C10orf90: variants seen among roughly 807,000 people sequenced by gnomAD.
C10orf90 encodes chromosome 10 open reading frame 90, also known as (E2-independent) E3 ubiquitin-conjugating enzyme FATS.
In C10orf90, 56 loss-of-function variants were observed where a neutral mutation model predicts 62.5. The ratio of observed to expected loss-of-function variants is 0.90; its 90% CI spans 0.72 to 1.12. The LOEUF (loss-of-function observed/expected upper bound fraction) is 1.12, where lower values mean the gene tolerates loss of function less well. C10orf90 is among the 50% of genes most tolerant of loss of function. The pLI, the probability that C10orf90 is intolerant of heterozygous loss-of-function variation, is 0.00. For synonymous variants in C10orf90, 386 were observed against 340.4 expected, an observed-to-expected ratio of 1.13 and a Z score of -1.47; for missense variants, 970 against 880.4, an observed-to-expected ratio of 1.10 and a Z score of -1.29.
chr10:126,476,668 A>T (rs1860888289), intron 4 of C10orf90, among the ~76,000 whole-genome samples: 1 of 152,194 alleles, frequency 6.6e-6, no homozygotes, highest in African/African-American at 2.4e-5. Flanking sequence ...TCCGCTTTCT[A>T]ATCACTCCCA....
chr10:126,433,474 G>A (rs1302523724), intron 7 of C10orf90, among the ~76,000 whole-genome samples: 1 of 152,086 alleles, frequency 6.6e-6, no homozygotes, highest in Non-Finnish European at 1.5e-5. Flanking sequence ...GTAGGGGTGG[G>A]TGAAACGGCA....
intron 6 of C10orf90, among the ~76,000 whole-genome samples, chr10:126,459,617 C>A (rs892678788): frequency 1.3e-5 from 2 of 152,362 alleles, no homozygotes; most frequent in East Asian, 3.9e-4. Flanking sequence ...TGCTGAGTCA[C>A]TTGCTTCTGT....
intron 4 of C10orf90, among the ~76,000 whole-genome samples, chr10:126,502,389 G>T (rs535938675): frequency 6.6e-6 from 1 of 152,302 alleles, no homozygotes; most frequent in South Asian, 2.1e-4. Context: ...CTTTTTCTGG[G>T]GGATGTTGGC....
chr10:126,633,629 T>C (rs534878445), intron 2 of C10orf90, among the ~76,000 whole-genome samples: 5 of 152,306 alleles, frequency 3.3e-5, no homozygotes, highest in Admixed American at 1.3e-4. Context: ...AGCGGGGAGA[T>C]GTCCGACTTC....
At chr10:126,622,456 G>C (rs1845664490) in intron 2 of C10orf90, among the ~76,000 whole-genome samples, 1 of 152,146 alleles carries the variant, frequency 6.6e-6, no homozygotes, top group Non-Finnish European at 1.5e-5. Flanking sequence ...ACAACCTCCA[G>C]GGTTTCATTG....
chr10:126,610,183 C>T (rs936079972), intron 2 of C10orf90, among the ~76,000 whole-genome samples: 4 of 152,200 alleles, frequency 2.6e-5, no homozygotes, highest in Non-Finnish European at 4.4e-5. Context: ...TGGCCTCTGG[C>T]TTCTAGGGGG....
chr10:126,534,246 A>G (rs141504147), intron 2 of C10orf90, among the ~76,000 whole-genome samples: 9 of 152,220 alleles, frequency 5.9e-5, no homozygotes, highest in African/African-American at 1.4e-4. Context: ...TGCCAAACTC[A>G]GGTTTCTTGG....
At chr10:126,470,577 AAAACAAAC>A (rs10637715) in intron 4 of C10orf90, among the ~76,000 whole-genome samples, 9 of 150,030 alleles carry the variant, frequency 6.0e-5, no homozygotes, top group Non-Finnish European at 1.0e-4. Flanking sequence ...TAAAAACTAA[AAAACAAAC>A]AAACAAACAA....
chr10:126,543,598 C>T (rs1440553113), intron 2 of C10orf90, among the ~76,000 whole-genome samples: 1 of 152,170 alleles, frequency 6.6e-6, no homozygotes, highest in Non-Finnish European at 1.5e-5. Context: ...CAGGTGACCC[C>T]ATTCCCTGAG....
chr10:126,633,302 G>A (rs955164780), intron 2 of C10orf90, among the ~76,000 whole-genome samples: 22 of 152,262 alleles, frequency 1.4e-4, no homozygotes, highest in African/African-American at 5.3e-4. Context: ...ATGTCTTGGA[G>A]AATATCTCAC....
chr10:126,628,281 C>T (rs946873208), intron 2 of C10orf90, among the ~76,000 whole-genome samples: 14 of 152,146 alleles, frequency 9.2e-5, no homozygotes, highest in African/African-American at 3.4e-4. Context: ...ATTTAAAATG[C>T]CAAGGCCTAT....
rs951828431 is a variant in C10orf90, at chr10:126,461,624, A to G, written c.1826-39T>C. 7.6e-6 allele frequency: 12 copies of G among 1,588,018 alleles called. No homozygotes were observed. The African/African-American group carries it at 1.1e-4, about 14-fold the overall frequency. ...TTTAGAATCCCATTTAGAGGGCACC[A>G]AGTGATTTTCACGTGGCTCCTCAAT... On this transcript the variant is annotated intron_variant, in intron 5 of 9. Transcript: ENST00000488181.
chr10:126,570,568 C>T (rs1181670213), intron 2 of C10orf90, among the ~76,000 whole-genome samples: 4 of 152,172 alleles, frequency 2.6e-5, no homozygotes, highest in Non-Finnish European at 5.9e-5. Context: ...TGGAGTAATG[C>T]ACTGAGATTC....
intron 2 of C10orf90, among the ~76,000 whole-genome samples, chr10:126,585,288 A>AAAGC (rs763822127): frequency 1.3e-5 from 2 of 150,534 alleles, no homozygotes; most frequent in African/African-American, 4.9e-5. Context: ...AGAAACAAAG[A>AAAGC]AAGCAAGCAA....
chr10:126,659,021 C>T lies in C10orf90; in HGVS notation c.240+11220G>A, dbSNP rs370295857. Among the ~76,000 whole-genome samples the T allele has an allele frequency of 6.0e-4, 91 of 152,322 alleles. 1 individual carries two copies. In the South Asian group the frequency reaches 0.018, roughly 31 times the overall value. On this transcript the variant is annotated intron_variant, in intron 1 of 9. Coordinates refer to ENST00000488181, the MANE Select transcript of C10orf90 (RefSeq NM_001350921.2). Reference sequence around the variant, plus strand: ...CCACAGAGTCTTCATGGTTTCTTTTCCTGTATATCTGACAGCCAGCACAGT... The same window carrying T: ...CCACAGAGTCTTCATGGTTTCTTTTTCTGTATATCTGACAGCCAGCACAGT...
chr10:126,669,141 T>C (rs2133882798), intron 1 of C10orf90, among the ~76,000 whole-genome samples: 1 of 152,384 alleles, frequency 6.6e-6, no homozygotes, highest in East Asian at 1.9e-4. Flanking sequence ...CTCTGATTTC[T>C]TTCAATTATA....
chr10:126,667,432 A>G (rs1209813045), intron 1 of C10orf90, among the ~76,000 whole-genome samples: 1 of 152,176 alleles, frequency 6.6e-6, no homozygotes. Flanking sequence ...GAAAAATATC[A>G]GGAGGCATGG....
intron 2 of C10orf90, among the ~76,000 whole-genome samples, chr10:126,546,997 A>G (rs986628408): frequency 1.3e-5 from 2 of 152,192 alleles, no homozygotes; most frequent in Admixed American, 6.5e-5. Context: ...ATGGTTGCGC[A>G]TACCTGTAAT....
At chr10:126,656,689 T>C (rs1846401539) in intron 1 of C10orf90, among the ~76,000 whole-genome samples, 1 of 152,190 alleles carries the variant, frequency 6.6e-6, no homozygotes, top group Non-Finnish European at 1.5e-5. Flanking sequence ...GGGACTGGGC[T>C]TGGAAGTGCG....
Sources: allele counts gnomAD v4.1 joint callset (sites outside exome capture counted in the v4.1 genomes callset), GRCh38; gene constraint gnomAD v4.1.1; transcripts MANE v1.5; gene names NCBI Gene and HGNC (gene_info 2026-07-23, HGNC 2026-07-21).